Variants in MEGF6 observed in about 807,000 individuals in gnomAD.
MEGF6 encodes the protein multiple epidermal growth factor-like domains protein 6.
In MEGF6, 184 loss-of-function variants were observed where a neutral mutation model predicts 207.1. The observed-to-expected ratio is 0.89, with a 90% CI of 0.79 to 1.00. The LOEUF (loss-of-function observed/expected upper bound fraction) is 1.00. Ranked by LOEUF, MEGF6 falls within the 50% of genes least tolerant of loss-of-function variation. The probability of loss-of-function intolerance (pLI) is 0.00; values close to 1 mark genes in which losing one functional copy is unlikely to be tolerated. For missense variants in MEGF6, 2,282 were observed against 2,202.9 expected, an observed-to-expected ratio of 1.04 and a Z score of -0.72; for synonymous variants, 1,038 against 910.0, an observed-to-expected ratio of 1.14 and a Z score of -2.53.
chr1:3,544,338 CT>C (rs1310333128), intron 4 of MEGF6, among the ~76,000 whole-genome samples: 2 of 151,882 alleles, frequency 1.3e-5, no homozygotes, highest in Non-Finnish European at 2.9e-5. Context: ...GCTCCTGGGG[CT>C]GCAGGGCGGC....
Position 3,492,681 on chromosome 1 carries a change from A to C in MEGF6, c.4474T>G (p.Cys1492Gly), listed in dbSNP as rs1374763934. Residue 1492 changes from cysteine to glycine, a missense_variant, in exon 35 of 37, where the codon TGT (cysteine) becomes GGT (glycine). Physicochemically the swap from Cys to Gly is radical, Grantham distance 159. Transcript: ENST00000356575. ...CCCATGTAGCCATCCACACAGTGAC[A>C]CTGCCCACTGACAGGGTCGCAGTCA... ...GADCDPVSGQ[C>G]HCVDGYMGPT... The C allele has an allele frequency of 1.2e-6, 2 of 1,612,464 alleles. No individual in the cohort carries two copies. Among genetic ancestry groups the C allele is most frequent in the Non-Finnish European group, 1.7e-6 (2 of 1,179,838 alleles).
intron 4 of MEGF6, among the ~76,000 whole-genome samples, chr1:3,554,397 T>G (rs1026360841): frequency 1.3e-5 from 2 of 151,796 alleles, no homozygotes; most frequent in Non-Finnish European, 2.9e-5. Flanking sequence ...GGGACGGCAC[T>G]CCAGGTGTCC....
At chr1:3,521,101 C>A (rs2821072) in intron 5 of MEGF6, among the ~76,000 whole-genome samples, 21,661 of 152,110 alleles carry the variant, frequency 0.14, 1,690 homozygotes, top group South Asian at 0.23. Flanking sequence ...AAGCCCCAGG[C>A]GGGGTCACGA....
At chr1:3,567,606 G>C (rs1278310296) in intron 4 of MEGF6, among the ~76,000 whole-genome samples, 2 of 152,186 alleles carry the variant, frequency 1.3e-5, no homozygotes, top group African/African-American at 4.8e-5. Flanking sequence ...CACAGGTCCC[G>C]TTTGCCGGGG....
chr1:3,507,510 GTGC>G (rs1387157787), intron 14 of MEGF6, among the ~76,000 whole-genome samples: 2 of 152,190 alleles, frequency 1.3e-5, no homozygotes, highest in Admixed American at 6.5e-5. Context: ...CATTCCAAAA[GTGC>G]TGCTCTGTAG....
At chr1:3,597,819 T>G (rs1241424005) in intron 2 of MEGF6, among the ~76,000 whole-genome samples, 1 of 152,154 alleles carries the variant, frequency 6.6e-6, no homozygotes, top group Non-Finnish European at 1.5e-5. Flanking sequence ...AATAAAGCCC[T>G]GCTGTTTTGA....
In MEGF6 at chr1:3,489,287, C is replaced by A. The variant is rs956609851; in HGVS notation, c.*1241G>T. The stretch of plus-strand genomic sequence containing the variant: ...CTCCTCCTGCTGGTGAAATTGTCTG[C>A]CCTGGGGCCTCAGCTACCTTGGCTG... On this transcript the variant is annotated 3_prime_UTR_variant, in exon 37 of 37. Transcript: ENST00000356575. Among the ~76,000 whole-genome samples the A allele has an allele frequency of 6.6e-6, 1 of 152,242 alleles. No homozygotes were observed. Among genetic ancestry groups the A allele is most frequent in the Non-Finnish European group, 1.5e-5 (1 of 68,044 alleles).
chr1:3,623,630 T>G, the MEGF6 span: 1 of 152,084 alleles, frequency 6.6e-6, no homozygotes, highest in Non-Finnish European at 1.5e-5. Context: ...TGGTGCAACA[T>G]GCGTCTGGGC....
the MEGF6 span, among the ~76,000 whole-genome samples, chr1:3,616,641 C>T: frequency 6.6e-6 from 1 of 152,216 alleles, no homozygotes; most frequent in Non-Finnish European, 1.5e-5. Context: ...AAACCCTGCA[C>T]CAAATACGTA....
chr1:3,594,499 C>T lies in MEGF6; in HGVS notation c.376+839G>A, dbSNP rs187256678. ...CGTGACTCCCGGCCACACTCCACGG[C>T]GCAGCCTGTCCCTCACTGGCAGGAT... On this transcript the variant is annotated intron_variant, in intron 3 of 36. Coordinates refer to ENST00000356575, the MANE Select transcript of MEGF6 (RefSeq NM_001409.4). The surrounding 1 kb of genome is among the most constrained non-coding windows in gnomAD (Gnocchi z 4.2). 7.9e-5 allele frequency among the ~76,000 whole-genome samples: 12 copies of T among 152,326 alleles called. No individual in the cohort carries two copies. The East Asian group carries it at 9.7e-4, about 12-fold the overall frequency.
At chr1:3,526,398 A>ATTTT (rs57377827) in intron 4 of MEGF6, among the ~76,000 whole-genome samples, 1 of 130,924 alleles carries the variant, frequency 7.6e-6, no homozygotes. Context: ...GGTGACACCT[A>ATTTT]TTTTTTTTTT....
chr1:3,602,425 G>A (rs957750754), intron 2 of MEGF6, 41 bp downstream of exon 2: 1 of 1,612,452 alleles, frequency 6.2e-7, no homozygotes, highest in Middle Eastern at 1.7e-4. Context: ...CGCCCTTTGT[G>A]TGAATGGAGC....
At chr1:3,577,834 C>A (rs911884641) in intron 4 of MEGF6, among the ~76,000 whole-genome samples, 12 of 152,364 alleles carry the variant, frequency 7.9e-5, no homozygotes, top group South Asian at 2.1e-4. Flanking sequence ...ATGGAGCCCC[C>A]CCAACAATGC....
chr1:3,542,419 G>A (rs932193689), intron 4 of MEGF6, among the ~76,000 whole-genome samples: 1 of 152,154 alleles, frequency 6.6e-6, no homozygotes, highest in Non-Finnish European at 1.5e-5. Flanking sequence ...GAGGAAGCTG[G>A]GCTTGCATGG....
intron 29 of MEGF6, 77 bp downstream of exon 29, chr1:3,496,578 A>G: frequency 1.4e-6 from 2 of 1,472,860 alleles, no homozygotes; most frequent in South Asian, 1.2e-5. Flanking sequence ...GTCGGGGGCC[A>G]TCCTCCTGCA....
chr1:3,544,901 G>A (rs979127831), intron 4 of MEGF6, among the ~76,000 whole-genome samples: 1 of 152,214 alleles, frequency 6.6e-6, no homozygotes, highest in African/African-American at 2.4e-5. Flanking sequence ...GGCACTCAGG[G>A]CTGGGTCCAG....
rs1557708204 is a variant in MEGF6, at chr1:3,490,713, T to TGGGGCCCACC, written c.4565-134_4565-125dup. The TGGGGCCCACC allele has an allele frequency of 4.2e-6, 4 of 944,514 alleles. No homozygotes were observed. The Admixed American group carries it at 7.7e-5, about 18-fold the overall frequency. 58.5% of individuals were successfully genotyped at this position (944,514 alleles called of 1,614,324 possible). On this transcript the variant is annotated intron_variant, in intron 36 of 36. Transcript: ENST00000356575. ...TCAGCAGCTCAGCCCAGCAGGTGGG[T>TGGGGCCCACC]GGGGCCCACCCATCCTTCCCAGCCT...
chr1:3,562,400 C>T (rs1462508211), intron 4 of MEGF6, among the ~76,000 whole-genome samples: 2 of 152,150 alleles, frequency 1.3e-5, no homozygotes, highest in Admixed American at 6.5e-5. Flanking sequence ...TTGTCTTTCC[C>T]CCAAGGGCAC....
chr1:3,600,198 G>A (rs1019425158), intron 2 of MEGF6, among the ~76,000 whole-genome samples: 9 of 152,320 alleles, frequency 5.9e-5, no homozygotes, highest in Middle Eastern at 3.4e-3. Flanking sequence ...CAGTGCCCCG[G>A]CTGAATGGTG....
Sources: gnomAD v4.1 joint callset for allele counts (sites outside exome capture counted in the v4.1 genomes callset) on GRCh38, gnomAD v4.1.1 for gene constraint, Gnocchi (gnomAD v3.1) non-coding constraint, MANE v1.5 for transcripts, NCBI Gene and HGNC (gene_info 2026-07-23, HGNC 2026-07-21) for gene names.